The following FFAR4 variants were observed in gnomAD, a reference collection of about 807,000 sequenced individuals.
FFAR4 encodes the protein free fatty acid receptor 4, also known as G-protein coupled receptor 120.
FFAR4 carries 19 observed loss-of-function variants against 27.0 expected under a neutral mutation model. That is an observed-to-expected ratio of 0.70 (90% CI 0.49 to 1.03). The LOEUF is 1.03. FFAR4 is among the 50% of genes least tolerant of loss of function. The pLI is 0.00. For missense variants in FFAR4, 476 were observed against 479.0 expected (o/e 0.99, Z 0.06); for synonymous variants, 254 against 215.6 (o/e 1.18, Z -1.56).
intron 1 of FFAR4, among the ~76,000 whole-genome samples, chr10:93,574,199 T>G (rs1194440274): frequency 1.3e-5 from 2 of 152,176 alleles, no homozygotes; most frequent in Non-Finnish European, 2.9e-5. Context: ...GACCTGCTTT[T>G]TTCTTTCACT....
chr10:93,567,245 C>T lies in FFAR4; in HGVS notation c.525C>T (p.Val175=), dbSNP rs1195196709. The T allele has an allele frequency of 6.2e-7, 1 of 1,601,174 alleles. No homozygotes were observed. The highest frequency in any genetic ancestry group is 8.5e-7 in the Non-Finnish European group (1 of 1,179,712). ...YSAVAALPLC[V]FFRVVPQRLP... ...CGGTCGCCGCTCTGCCTCTCTGCGT[C>T]TTCTTCCGAGTCGTCCCGCAACGGC... The change falls in exon 1 of 3, where the codon GTC becomes GTT. Residue 175 remains valine (V), a synonymous_variant. Transcript: ENST00000371481.
intron 2 of FFAR4, among the ~76,000 whole-genome samples, chr10:93,584,207 C>A (rs1464705420): frequency 6.6e-6 from 1 of 151,840 alleles, no homozygotes; most frequent in Non-Finnish European, 1.5e-5. Context: ...GCCAATATGG[C>A]CTCTGGCGTT....
intron 1 of FFAR4, among the ~76,000 whole-genome samples, chr10:93,574,071 G>A (rs1439329217): frequency 5.9e-5 from 9 of 152,162 alleles, no homozygotes; most frequent in African/African-American, 1.4e-4. Context: ...ATGCGAGCAC[G>A]TGAGTGTATG....
At chr10:93,583,340 C>T (rs2058210281) in intron 2 of FFAR4, among the ~76,000 whole-genome samples, 1 of 150,818 alleles carries the variant, frequency 6.6e-6, no homozygotes, top group African/African-American at 2.4e-5. Context: ...GGGGTGAACC[C>T]AGGAGGTGGA....
intron 1 of FFAR4, among the ~76,000 whole-genome samples, chr10:93,575,059 G>GTGAA (rs946327686): frequency 1.3e-5 from 2 of 152,204 alleles, no homozygotes; most frequent in African/African-American, 2.4e-5. Flanking sequence ...TATTGGTCAA[G>GTGAA]TGAATGAATG....
At position 93,576,143 on chromosome 10, in the gene FFAR4, GGGA is replaced by G; in HGVS notation, c.621_623del (p.Trp207_Asp208delinsCys). ...CCCACCATTCCTGGAGAGATCTCGTGGGATGTCTCTTTTGTTACTTTGAACTTC... is the reference window on the plus strand; with the variant it reads ...CCCACCATTCCTGGAGAGATCTCGTGTGTCTCTTTTGTTACTTTGAACTTC... On this transcript the variant is annotated inframe_deletion, in exon 2 of 3. Coordinates refer to ENST00000371481, the MANE Select transcript of FFAR4 (RefSeq NM_001195755.2). 6.2e-7 allele frequency: 1 copy of G among 1,613,880 alleles called. No homozygotes were observed. Among genetic ancestry groups the G allele is most frequent in the Non-Finnish European group, 8.5e-7 (1 of 1,179,790 alleles).
intron 2 of FFAR4, among the ~76,000 whole-genome samples, chr10:93,579,838 G>A: frequency 6.6e-6 from 1 of 152,208 alleles, no homozygotes; most frequent in South Asian, 2.1e-4. Context: ...CTTTATCACT[G>A]TGTGACCTTG....
At chr10:93,582,250 T>C (rs1380610270) in intron 2 of FFAR4, among the ~76,000 whole-genome samples, 1 of 151,970 alleles carries the variant, frequency 6.6e-6, no homozygotes, top group Non-Finnish European at 1.5e-5. Flanking sequence ...CTCTCAGTGC[T>C]AAAAAAGATC....
chr10:93,577,530 G>T (rs189447695), intron 2 of FFAR4, among the ~76,000 whole-genome samples: 1 of 152,226 alleles, frequency 6.6e-6, no homozygotes, highest in Admixed American at 6.5e-5. Context: ...CCTGAGGCTT[G>T]TTCAAGTGCA....
rs113451789 is a variant in FFAR4, at chr10:93,587,423, G to C, written c.900G>C (p.Pro300=). ...QNFKQDLVIW[P]SLFFWVVAFT... The stretch of plus-strand genomic sequence containing the variant: ...TCAAGCAAGACCTGGTCATCTGGCC[G>C]TCCCTCTTCTTCTGGGTGGTGGCCT... The change falls in exon 3 of 3, where the codon CCG becomes CCC. Residue 300 remains proline, a synonymous_variant. Coordinates refer to ENST00000371481, the MANE Select transcript of FFAR4 (RefSeq NM_001195755.2). 3.1e-6 allele frequency: 5 copies of C among 1,613,814 alleles called. No homozygotes were observed. The Admixed American group carries it at 5.0e-5, about 16-fold the overall frequency.
chr10:93,567,476 G>C (rs776908434), intron 1 of FFAR4, among the ~76,000 whole-genome samples, 189 bp downstream of exon 1: 11 of 152,200 alleles, frequency 7.2e-5, no homozygotes, highest in African/African-American at 2.7e-4. Context: ...CTGTGCACAC[G>C]CCCTCCTAAA....
In FFAR4 at chr10:93,585,552, C is replaced by T. The variant is rs2058222171; in HGVS notation, c.697-1668C>T. ...TAGTCAGTTCAAAGCTTCCCCTGCCCAAGGCGTAGGATGTGGGTTTGTGGT... is the reference window on the plus strand; with the variant it reads ...TAGTCAGTTCAAAGCTTCCCCTGCCTAAGGCGTAGGATGTGGGTTTGTGGT... On this transcript the variant is annotated intron_variant, in intron 2 of 2. Transcript: ENST00000371481. 2.0e-5 allele frequency among the ~76,000 whole-genome samples: 3 copies of T among 152,184 alleles called. No homozygotes were observed. In the South Asian group the frequency reaches 6.2e-4, roughly 32 times the overall value.
At chr10:93,581,339 G>A (rs1373355995) in intron 2 of FFAR4, among the ~76,000 whole-genome samples, 1 of 152,174 alleles carries the variant, frequency 6.6e-6, no homozygotes, top group Non-Finnish European at 1.5e-5. Flanking sequence ...TTGGGGGCCT[G>A]CATGCTGGTC....
chr10:93,589,476 T>C lies in FFAR4; in HGVS notation c.*1867T>C, dbSNP rs1475633151. 4 of 151,456 alleles carry C rather than the reference T, an allele frequency of 2.6e-5. No individual in the cohort carries two copies. The highest frequency in any genetic ancestry group is 1.3e-4 in the Admixed American group (2 of 15,172). 9.4% of individuals were successfully genotyped at this position (151,456 alleles called of 1,614,324 possible). A position where few individuals can be genotyped will look rare whatever the true frequency, so the allele number is the denominator to read the frequency against. The stretch of plus-strand genomic sequence containing the variant: ...AGGTAAAACAAAGATGATTTATTGA[T>C]GGGAAGGATGGAATTGATAGAATGT... On this transcript the variant is annotated 3_prime_UTR_variant, in exon 3 of 3. Coordinates refer to ENST00000371481, the MANE Select transcript of FFAR4 (RefSeq NM_001195755.2).
chr10:93,570,966 C>T (rs1051596095), intron 1 of FFAR4, among the ~76,000 whole-genome samples: 2 of 152,182 alleles, frequency 1.3e-5, no homozygotes, highest in African/African-American at 4.8e-5. Flanking sequence ...ATCATGGGCA[C>T]TCATGTTCAG....
chr10:93,566,790 C>G lies in FFAR4; in HGVS notation c.70C>G (p.Arg24Gly). The change falls in exon 1 of 3, where the codon CGC (arginine) becomes GGC (glycine). Residue 24 changes from arginine (R) to glycine (G), a missense_variant. Physicochemically the swap from Arg to Gly is moderately radical, Grantham distance 125. Transcript: ENST00000371481. ...LRSLEQANRT[R>G]FPFFSDVKGD... ...CAGCCTGGAGCAAGCCAACCGCACC[C>G]GCTTTCCCTTCTTCTCCGACGTCAA... is the stretch of plus-strand genomic sequence containing the variant. 1 of 1,608,914 alleles carries G rather than the reference C, an allele frequency of 6.2e-7. No individual in the cohort carries two copies. Among genetic ancestry groups the G allele is most frequent in the Non-Finnish European group, 8.5e-7 (1 of 1,179,150 alleles).
At chr10:93,583,584 G>A (rs1435309395) in intron 2 of FFAR4, among the ~76,000 whole-genome samples, 1 of 152,148 alleles carries the variant, frequency 6.6e-6, no homozygotes, top group African/African-American at 2.4e-5. Context: ...CTGGGCAGAA[G>A]GATTCCCATG....
intron 2 of FFAR4, among the ~76,000 whole-genome samples, chr10:93,577,533 C>T (rs1384871942): frequency 1.3e-5 from 2 of 152,168 alleles, no homozygotes; most frequent in African/African-American, 4.8e-5. Flanking sequence ...GAGGCTTGTT[C>T]AAGTGCAGGA....
rs919455060 is a variant in FFAR4 at position 93,566,994 on chromosome 10, A to G, written c.274A>G (p.Ile92Val). Residue 92 changes from isoleucine (I) to valine (V), a missense_variant, in exon 1 of 3, where the codon ATC becomes GTC. Physicochemically the swap from Ile to Val is conservative, Grantham distance 29. Transcript: ENST00000371481. ...FCADLLFISA[I>V]PLVLAVRWTE... ...CGCGGACCTGCTCTTCATCAGCGCT[A>G]TCCCTCTGGTGCTGGCCGTGCGCTG... The G allele has an allele frequency of 2.5e-6, 4 of 1,611,818 alleles. No homozygotes were observed. Among genetic ancestry groups the G allele is most frequent in the African/African-American group, 2.7e-5 (2 of 74,964 alleles).
Sources: gnomAD v4.1 joint callset for allele counts (sites outside exome capture counted in the v4.1 genomes callset) on GRCh38, gnomAD v4.1.1 for gene constraint, MANE v1.5 for transcripts, NCBI Gene and HGNC (gene_info 2026-07-23, HGNC 2026-07-21) for gene names.